ABL1: variants seen among roughly 807,000 people sequenced by gnomAD.
ABL1 encodes ABL proto-oncogene 1, non-receptor tyrosine kinase.
In ABL1, 11 loss-of-function variants were observed where a neutral mutation model predicts 94.7. The ratio of observed to expected loss-of-function variants is 0.12; its 90% confidence interval spans 0.07 to 0.19. The LOEUF is 0.19. ABL1 is among the 10% of genes least tolerant of loss of function. ABL1 has a pLI of 1.00. For missense variants in ABL1, 1,082 were observed against 1,489.4 expected (o/e 0.73, Z 4.50); for synonymous variants, 656 against 622.4 (o/e 1.05, Z -0.80).
Position 130,880,868 on chromosome 9 carries a change from G to A in ABL1, c.1678+204G>A, listed in dbSNP as rs1831440703. 6.6e-6 allele frequency among the ~76,000 whole-genome samples: 1 copy of A among 152,236 alleles called. No homozygotes were observed. Among genetic ancestry groups the A allele is most frequent in the Admixed American group, 6.5e-5 (1 of 15,286 alleles). On this transcript the variant is annotated intron_variant, in intron 10 of 10. Transcript: ENST00000318560. This position sits in a 1 kb window ranked among gnomAD's most constrained non-coding sequence, Gnocchi z 4.4. ...ATCCCCTCCCTCTGAGAGTCCCCGAGGAGCATAGGCTCCAGCAGTGAGTTC... is the reference window on the plus strand; with the variant it reads ...ATCCCCTCCCTCTGAGAGTCCCCGAAGAGCATAGGCTCCAGCAGTGAGTTC...
intron 1 of ABL1, among the ~76,000 whole-genome samples, chr9:130,816,953 G>A (rs1193783727): frequency 1.3e-5 from 2 of 152,090 alleles, no homozygotes; most frequent in Non-Finnish European, 2.9e-5. Context: ...GATTCCCCCC[G>A]CCTTGGCCTC....
At chr9:130,804,480 A>C (rs1830099906) in intron 1 of ABL1, among the ~76,000 whole-genome samples, 1 of 152,186 alleles carries the variant, frequency 6.6e-6, no homozygotes, top group Admixed American at 6.5e-5. Flanking sequence ...GCTACTTAGG[A>C]GGCTGAGGCA....
chr9:130,727,484 C>T (rs974425180), intron 1 of ABL1, among the ~76,000 whole-genome samples: 2 of 151,656 alleles, frequency 1.3e-5, no homozygotes, highest in Non-Finnish European at 2.9e-5. Context: ...TTTATTCCGC[C>T]GGGCGTGGTG....
At chr9:130,845,124 A>T (rs1027998032) in intron 1 of ABL1, among the ~76,000 whole-genome samples, 1 of 152,216 alleles carries the variant, frequency 6.6e-6, no homozygotes, top group South Asian at 2.1e-4. Flanking sequence ...TTCTTTTAAA[A>T]TAAATGCAGT....
At chr9:130,762,144 C>CAAAAAAAA (rs35046698) in intron 1 of ABL1, among the ~76,000 whole-genome samples, 3 of 132,378 alleles carry the variant, frequency 2.3e-5, no homozygotes, top group African/African-American at 6.1e-5. Context: ...ACTCCCAGCT[C>CAAAAAAAA]AAAAAAAAAA....
chr9:130,868,353 C>CT, intron 4 of ABL1, among the ~76,000 whole-genome samples: 1 of 152,182 alleles, frequency 6.6e-6, no homozygotes. Flanking sequence ...TTCACTGTGC[C>CT]TGTAACCTCT....
intron 1 of ABL1, among the ~76,000 whole-genome samples, chr9:130,728,734 A>G (rs1831624392): frequency 6.6e-6 from 1 of 150,948 alleles, no homozygotes; most frequent in East Asian, 2.0e-4. Context: ...GAGATTCACC[A>G]TGTTTTCATT....
At chr9:130,834,067 C>T (rs999827092), upstream of ABL1, 4 of 456,100 alleles carry the variant, frequency 8.8e-6, no homozygotes, top group Admixed American at 2.3e-5. Context: ...CCGCCTGTTT[C>T]CAGCTGTGGG....
chr9:130,713,376 C>T (rs1355067142), exon 1 of ABL1, among the ~76,000 whole-genome samples: 3 of 152,210 alleles, frequency 2.0e-5, no homozygotes, highest in Admixed American at 6.5e-5. Flanking sequence ...GGCTTTGGGA[C>T]ACTGCGGGTG....
rs778612057 is a variant in ABL1, at chr9:130,872,960, C to T, written c.1008C>T (p.Asn336=). 12 of 1,614,028 alleles carry T rather than the reference C, an allele frequency of 7.4e-6. No individual in the cohort carries two copies. The East Asian group carries it at 8.9e-5, about 12-fold the overall frequency. The change falls in exon 6 of 11, where the codon AAC becomes AAT. Residue 336 remains asparagine, a synonymous_variant. Transcript: ENST00000318560. The surrounding 1 kb of genome is among the most constrained non-coding windows in gnomAD (Gnocchi z 5.0). The stretch of plus-strand genomic sequence containing the variant: ...GGGAGTGCAACCGGCAGGAGGTGAA[C>T]GCCGTGGTGCTGCTGTACATGGCCA... The part of the protein sequence containing the change: ...YLRECNRQEV[N]AVVLLYMATQ...
At chr9:130,883,933 T>C in intron 10 of ABL1, 36 bp from the exon 11 acceptor site, 1 of 1,575,810 alleles carries the variant, frequency 6.3e-7, no homozygotes, top group Non-Finnish European at 8.6e-7. Context: ...CCTCTAGAGT[T>C]GTCTGGAGTT....
Position 130,885,035 on chromosome 9 carries a change from G to T in ABL1, c.2745G>T (p.Ser915=). ...ASAGKAGGKP[S]QSPSQEAAGE... ...CAGGGAAGGCTGGAGGAAAGCCCTC[G>T]CAGAGCCCGAGCCAGGAGGCGGCCG... Residue 915 remains serine (S), a synonymous_variant, in exon 11 of 11, where the codon TCG becomes TCT. Coordinates refer to ENST00000318560, the MANE Select transcript of ABL1 (RefSeq NM_005157.6). 1.2e-6 allele frequency: 2 copies of T among 1,611,144 alleles called. No homozygotes were observed. The highest frequency in any genetic ancestry group is 1.7e-6 in the Non-Finnish European group (2 of 1,179,160).
intron 4 of ABL1, among the ~76,000 whole-genome samples, chr9:130,869,907 C>G (rs962649408): frequency 6.6e-6 from 1 of 152,216 alleles, no homozygotes; most frequent in Non-Finnish European, 1.5e-5. Flanking sequence ...TCACTGCAAC[C>G]TCCTGCTCCC....
chr9:130,747,885 T>A (rs897678175), intron 1 of ABL1, among the ~76,000 whole-genome samples: 2 of 152,202 alleles, frequency 1.3e-5, no homozygotes, highest in African/African-American at 4.8e-5. Flanking sequence ...TGGAGGCCCA[T>A]TTTTTAGCCT....
At chr9:130,851,914 C>T (rs1203752372) in intron 1 of ABL1, among the ~76,000 whole-genome samples, 1 of 151,152 alleles carries the variant, frequency 6.6e-6, no homozygotes, top group East Asian at 2.0e-4. Context: ...TACAGGTACC[C>T]GCCACTAATT....
intron 1 of ABL1, chr9:130,724,878 G>T (rs1831560705): frequency 4.6e-6 from 2 of 437,398 alleles, no homozygotes; most frequent in Non-Finnish European, 9.0e-6. Flanking sequence ...AGTCCCTGTG[G>T]CCTTTAGTCT....
intron 1 of ABL1, among the ~76,000 whole-genome samples, chr9:130,728,597 A>G (rs143055850): frequency 0.02 from 2,982 of 150,654 alleles, 117 homozygotes; most frequent in African/African-American, 0.07. Context: ...TCACCGTGTT[A>G]GCCAGGATGG....
intron 1 of ABL1, among the ~76,000 whole-genome samples, chr9:130,829,970 G>T (rs892094764): frequency 6.6e-6 from 1 of 152,146 alleles, no homozygotes; most frequent in Admixed American, 6.5e-5. Flanking sequence ...TCTGAAGGAG[G>T]CTGTCTCTGC....
At chr9:130,867,689 A>C (rs1390843168) in intron 4 of ABL1, among the ~76,000 whole-genome samples, 1 of 152,226 alleles carries the variant, frequency 6.6e-6, no homozygotes, top group Non-Finnish European at 1.5e-5. Flanking sequence ...GAAGAAGGGC[A>C]GTCGTACCCT....
Sources: gnomAD v4.1 joint callset for allele counts (sites outside exome capture counted in the v4.1 genomes callset) on GRCh38, gnomAD v4.1.1 for gene constraint, Gnocchi (gnomAD v3.1) non-coding constraint, MANE v1.5 for transcripts, NCBI Gene and HGNC (gene_info 2026-07-23, HGNC 2026-07-21) for gene names.